Variants in SRGAP3 observed in about 807,000 individuals in gnomAD.
SRGAP3 encodes the protein SLIT-ROBO Rho GTPase activating protein 3.
SRGAP3 carries 39 observed loss-of-function variants against 121.1 expected under a neutral mutation model. That is an observed-to-expected ratio of 0.32 (90% CI 0.25 to 0.42). The LOEUF is 0.42. Ranked by LOEUF, SRGAP3 falls within the 10% of genes least tolerant of loss-of-function variation. The probability of loss-of-function intolerance (pLI) is 1.00; values close to 1 mark genes in which losing one functional copy is unlikely to be tolerated. For synonymous variants in SRGAP3, 601 were observed against 570.0 expected (o/e 1.05, Z -0.77); for missense variants, 1,213 against 1,470.6 (o/e 0.82, Z 2.86).
chr3:9,031,714 G>A (rs747829546), intron 12 of SRGAP3, among the ~76,000 whole-genome samples: 14 of 152,182 alleles, frequency 9.2e-5, no homozygotes, highest in African/African-American at 2.4e-4. Context: ...GCTGGAGCAC[G>A]AGCAGCCTCC....
chr3:8,992,954 G>A lies in SRGAP3; in HGVS notation c.2510C>T (p.Ser837Phe), dbSNP rs1439321820. The A allele has an allele frequency of 2.5e-6, 4 of 1,614,224 alleles. No individual in the cohort carries two copies. The highest frequency in any genetic ancestry group is 1.7e-6 in the Non-Finnish European group (2 of 1,180,050). The change falls in exon 20 of 22, where the codon TCC becomes TTC. Residue 837 changes from serine (S) to phenylalanine (F), a missense_variant. Around this residue, in one of 2 missense-constraint regions of SRGAP3, gnomAD observed 420 missense variants for 437.7 expected, o/e 0.96. Coordinates refer to ENST00000383836, the MANE Select transcript of SRGAP3 (RefSeq NM_014850.4). Reference sequence around the variant, plus strand: ...GTAATCCGAGATGTGCTCCGTGGGGGACTGGAGGTCGTTTTTGGAAGAGGC... The same window carrying A: ...GTAATCCGAGATGTGCTCCGTGGGGAACTGGAGGTCGTTTTTGGAAGAGGC... ...DKASSKNDLQ[S>F]PTEHISDYGF...
Position 9,053,201 on chromosome 3 carries a change from G to T in SRGAP3, c.1149C>A (p.Thr383=). The T allele has an allele frequency of 6.2e-6, 10 of 1,614,088 alleles. No individual in the cohort carries two copies. Among genetic ancestry groups the T allele is most frequent in the Non-Finnish European group, 8.5e-6 (10 of 1,179,992 alleles). ...TCAGCATGTCCTGTAATGTCTGCAT[G>T]GTGGCATCCAGGGTTTTCCTAACCT... ...NEEVRKTLDA[T]MQTLQDMLTV... The change falls in exon 9 of 22, where the codon ACC becomes ACA. Residue 383 remains threonine (T), a synonymous_variant. Coordinates refer to ENST00000383836, the MANE Select transcript of SRGAP3 (RefSeq NM_014850.4).
chr3:9,230,450 G>C (rs1160020321), intron 1 of SRGAP3, among the ~76,000 whole-genome samples: 10 of 152,288 alleles, frequency 6.6e-5, no homozygotes, highest in Non-Finnish European at 2.9e-5. Context: ...CATGCCACTG[G>C]AGACTTCACC....
rs1030291330 is a variant in SRGAP3, at chr3:9,356,037, A to G, written n.214+6803T>C. On this transcript the variant is annotated intron_variant and non_coding_transcript_variant, in intron 1 of 3. Transcript: ENST00000490889. ...CTCATGATCTAATCACAGCTTAAAG[A>G]TCCCACTTCTCAACACTGTTCCAAT... 2.6e-4 allele frequency among the ~76,000 whole-genome samples: 40 copies of G among 152,174 alleles called. 2 individuals carry two copies.
chr3:9,163,986 CTTTTTTT>C (rs767652463), intron 1 of SRGAP3, among the ~76,000 whole-genome samples: 7 of 83,322 alleles, frequency 8.4e-5, no homozygotes, highest in South Asian at 4.0e-4. Flanking sequence ...AACTACTATT[CTTTTTTT>C]TTTTTTTTTT....
chr3:9,012,506 A>G (rs530129941), intron 17 of SRGAP3, among the ~76,000 whole-genome samples: 2 of 152,294 alleles, frequency 1.3e-5, no homozygotes, highest in East Asian at 3.9e-4. Context: ...AGGTTCTAAA[A>G]TCTTTCTCCT....
chr3:9,313,183 G>A (rs751121998), intron 3 of SRGAP3, among the ~76,000 whole-genome samples: 1 of 152,056 alleles, frequency 6.6e-6, no homozygotes, highest in Non-Finnish European at 1.5e-5. Flanking sequence ...CCCCGCCTAA[G>A]AGCCTTTGCA....
intron 1 of SRGAP3, among the ~76,000 whole-genome samples, chr3:9,356,873 T>C (rs939295508): frequency 3.3e-5 from 5 of 152,230 alleles, no homozygotes; most frequent in Non-Finnish European, 5.9e-5. Flanking sequence ...CAAGAGAATA[T>C]TTTCTTTTGA....
rs1953945361 is a variant in SRGAP3, at chr3:9,249,497, G to A, written c.-546C>T. On this transcript the variant is annotated 5_prime_UTR_variant, in exon 1 of 22. Transcript: ENST00000383836. ...TTGCTTTTGAAGGCTCTGCTAAGTC[G>A]ATGGTCAGGTTGCCAAAGGGCCGGT... The A allele has an allele frequency of 4.1e-6, 1 of 244,148 alleles. No individual in the cohort carries two copies. The allele number at this position is 244,148 out of a possible 1,614,324, so 15.1% of individuals were successfully genotyped here. A position where few individuals can be genotyped will look rare whatever the true frequency, so the allele number is the denominator to read the frequency against.
At chr3:9,168,040 G>T (rs776901002) in intron 1 of SRGAP3, among the ~76,000 whole-genome samples, 2 of 152,162 alleles carry the variant, frequency 1.3e-5, no homozygotes, top group Non-Finnish European at 2.9e-5. Context: ...AAGTCTATGC[G>T]GTAGGTGACA....
At chr3:9,304,564 C>A (rs79681949) in intron 3 of SRGAP3, among the ~76,000 whole-genome samples, 5,885 of 152,260 alleles carry the variant, frequency 0.039, 181 homozygotes, top group African/African-American at 0.088. Context: ...TACTCTGACG[C>A]CCAGGTTCAC....
At chr3:8,995,972 T>C (rs182097162) in intron 18 of SRGAP3, among the ~76,000 whole-genome samples, 1 of 152,356 alleles carries the variant, frequency 6.6e-6, no homozygotes, top group East Asian at 1.9e-4. Context: ...CTCCATTCAC[T>C]GTGGACAATC....
At chr3:8,990,464 C>A in intron 21 of SRGAP3, 48 bp downstream of exon 21, 1 of 1,547,868 alleles carries the variant, frequency 6.5e-7, no homozygotes, top group Non-Finnish European at 8.7e-7. Context: ...CCACCCGCTG[C>A]CCTCTGGGGC....
Position 9,031,813 on chromosome 3 carries a change from T to A in SRGAP3, c.1539+837A>T, listed in dbSNP as rs1391797569. ...ATCTTCTCTGAAGAAAGTGTCTTCATTAGAAGGTAGTGGGCTCTCAAATCA... is the reference window on the plus strand; with the variant it reads ...ATCTTCTCTGAAGAAAGTGTCTTCAATAGAAGGTAGTGGGCTCTCAAATCA... On this transcript the variant is annotated intron_variant, in intron 12 of 21. Transcript: ENST00000383836. Among the ~76,000 whole-genome samples, 3 of 152,182 alleles carry A rather than the reference T, an allele frequency of 2.0e-5. No individual in the cohort carries two copies. In the South Asian group the frequency reaches 6.2e-4, roughly 32 times the overall value.
At chr3:9,253,522 A>G (rs552328785), upstream of SRGAP3, among the ~76,000 whole-genome samples, 1 of 152,290 alleles carries the variant, frequency 6.6e-6, no homozygotes, top group South Asian at 2.1e-4. Context: ...AAGTGGCCAG[A>G]ATAGTTTTTG....
intron 11 of SRGAP3, among the ~76,000 whole-genome samples, chr3:9,033,113 G>T (rs546207542): frequency 1.3e-5 from 2 of 152,148 alleles, no homozygotes; most frequent in African/African-American, 4.8e-5. Flanking sequence ...TCTGTAGCCC[G>T]AGAAAGCAAG....
intron 3 of SRGAP3, among the ~76,000 whole-genome samples, chr3:9,082,319 T>C (rs1466452008): frequency 3.3e-5 from 5 of 152,222 alleles, no homozygotes; most frequent in African/African-American, 1.2e-4. Context: ...GCCTCAGGTA[T>C]TCCTTTACAG....
chr3:9,314,622 T>C (rs1289629109), intron 3 of SRGAP3, among the ~76,000 whole-genome samples: 1 of 146,034 alleles, frequency 6.8e-6, no homozygotes, highest in African/African-American at 2.7e-5. Flanking sequence ...CCCCTCACAA[T>C]ATGTGTCCAG....
At chr3:9,106,519 C>T (rs1341138170) in intron 2 of SRGAP3, among the ~76,000 whole-genome samples, 1 of 152,300 alleles carries the variant, frequency 6.6e-6, no homozygotes, top group African/African-American at 2.4e-5. Context: ...TTGGTTTTGT[C>T]CCCACCCAAA....
Sources: allele counts gnomAD v4.1 joint callset (sites outside exome capture counted in the v4.1 genomes callset), GRCh38; gene constraint gnomAD v4.1.1; regional missense constraint gnomAD v4.1.1; transcripts MANE v1.5; gene names NCBI Gene and HGNC (gene_info 2026-07-23, HGNC 2026-07-21).